The following ARHGEF38 variants were observed in gnomAD, a reference collection of about 807,000 sequenced individuals.
The protein encoded by ARHGEF38 is Rho guanine nucleotide exchange factor 38.
ARHGEF38 carries 79 observed loss-of-function variants against 79.9 expected under a neutral mutation model. The observed-to-expected ratio is 0.99, with a 90% CI of 0.82 to 1.19. The LOEUF is 1.19. ARHGEF38 is among the 50% of genes most tolerant of loss of function. The pLI is 0.00. For missense variants in ARHGEF38, 962 were observed against 907.2 expected, an observed-to-expected ratio of 1.06 and a Z score of -0.78; for synonymous variants, 366 against 328.3, an observed-to-expected ratio of 1.11 and a Z score of -1.24.
In ARHGEF38 at chr4:105,659,066, CAG is replaced by C. The variant is rs1398765847; in HGVS notation, c.1250_1251del (p.Arg417ThrfsTer25). 7.2e-6 allele frequency: 11 copies of C among 1,534,476 alleles called. No individual in the cohort carries two copies. Among genetic ancestry groups the C allele is most frequent in the Non-Finnish European group, 9.6e-6 (11 of 1,146,072 alleles). On this transcript the variant is annotated frameshift_variant, in exon 10 of 14. Coordinates refer to ENST00000420470, the MANE Select transcript of ARHGEF38 (RefSeq NM_001242729.2). LOFTEE classifies it high-confidence loss of function. The stretch of plus-strand genomic sequence containing the variant: ...TTTCTTTTGGCAGGCATCTCACTTA[CAG>C]AGACTCATCCTGACCCCCTTGTCAG... ...NSCHDFASHL[Q>X]RLILTPLSAL...
chr4:105,587,381 T>C (rs1423704746), intron 1 of ARHGEF38, among the ~76,000 whole-genome samples: 1 of 152,232 alleles, frequency 6.6e-6, no homozygotes, highest in African/African-American at 2.4e-5. Context: ...ATTGGAGGGC[T>C]ACAGGATATC....
In ARHGEF38 at chr4:105,648,644, A is replaced by G; in HGVS notation, c.970A>G (p.Thr324Ala). Residue 324 changes from threonine (T) to alanine (A), a missense_variant, in exon 7 of 14, where the codon ACA becomes GCA. By Grantham distance (58) the Thr-to-Ala change is moderately conservative (BLOSUM62 0). Coordinates refer to ENST00000420470, the MANE Select transcript of ARHGEF38 (RefSeq NM_001242729.2). ...AATTAGCAAGAAATCAAAAAGAGTGACAAATCATCTGAAGATTCTGACCAG... is the reference window on the plus strand; with the variant it reads ...AATTAGCAAGAAATCAAAAAGAGTGGCAAATCATCTGAAGATTCTGACCAG... Reference protein sequence around the residue: ...HSISKKSKRVTNHLKILTRGE... With the variant: ...HSISKKSKRVANHLKILTRGE... The G allele has an allele frequency of 1.3e-6, 2 of 1,533,402 alleles. No homozygotes were observed. The highest frequency in any genetic ancestry group is 1.2e-5 in the South Asian group (1 of 83,546). The allele number at this position is 1,533,402 out of a possible 1,614,324, so 95.0% of individuals were successfully genotyped here. A position where few individuals can be genotyped will look rare whatever the true frequency, so the allele number is the denominator to read the frequency against.
At chr4:105,582,325 TAA>T (rs1445774156) in intron 1 of ARHGEF38, among the ~76,000 whole-genome samples, 3 of 151,736 alleles carry the variant, frequency 2.0e-5, no homozygotes, top group Non-Finnish European at 2.9e-5. Flanking sequence ...CTTATTTAGT[TAA>T]GAGTCAAATC....
At position 105,644,701 on chromosome 4, in the gene ARHGEF38, T is replaced by C. The variant is rs1347067217; in HGVS notation, c.675-487T>C. The stretch of plus-strand genomic sequence containing the variant: ...GACTGTGGTAGAACCTACAAAACAT[T>C]GTAAATGCAACTTCTCAATTTGGTG... On this transcript the variant is annotated intron_variant, in intron 5 of 13. Coordinates refer to ENST00000420470, the MANE Select transcript of ARHGEF38 (RefSeq NM_001242729.2). 2.6e-5 allele frequency among the ~76,000 whole-genome samples: 4 copies of C among 152,338 alleles called. No homozygotes were observed. The South Asian group carries it at 6.2e-4, about 24-fold the overall frequency.
chr4:105,621,559 C>G (rs1578320207), intron 3 of ARHGEF38, among the ~76,000 whole-genome samples: 1 of 152,154 alleles, frequency 6.6e-6, no homozygotes, highest in Non-Finnish European at 1.5e-5. Flanking sequence ...CACTGTTGTT[C>G]TATAGCAGTG....
At chr4:105,609,493 G>C (rs952898562) in intron 2 of ARHGEF38, among the ~76,000 whole-genome samples, 9 of 152,034 alleles carry the variant, frequency 5.9e-5, no homozygotes, top group Non-Finnish European at 4.4e-5. Flanking sequence ...GGTGTTAATG[G>C]ATTGGAAGAA....
chr4:105,635,372 C>T (rs1729356230), intron 4 of ARHGEF38, among the ~76,000 whole-genome samples: 1 of 151,764 alleles, frequency 6.6e-6, no homozygotes. Context: ...TTTCATAAAG[C>T]GTTATACTAC....
At chr4:105,650,033 T>C (rs905949080) in intron 7 of ARHGEF38, among the ~76,000 whole-genome samples, 2 of 152,210 alleles carry the variant, frequency 1.3e-5, no homozygotes, top group African/African-American at 4.8e-5. Context: ...GATGCATACA[T>C]CAAGAAAACA....
intron 8 of ARHGEF38, among the ~76,000 whole-genome samples, chr4:105,654,711 A>C (rs1209140443): frequency 6.6e-6 from 1 of 152,184 alleles, no homozygotes; most frequent in Non-Finnish European, 1.5e-5. Context: ...TCAACCAACT[A>C]ATTGGAGTAC....
intron 1 of ARHGEF38, among the ~76,000 whole-genome samples, chr4:105,562,681 G>T (rs1250939213): frequency 1.3e-5 from 2 of 152,146 alleles, no homozygotes; most frequent in Non-Finnish European, 2.9e-5. Flanking sequence ...TAAAATATCA[G>T]AAGCACACCC....
At chr4:105,577,099 A>ATT (rs58789848) in intron 1 of ARHGEF38, among the ~76,000 whole-genome samples, 7 of 150,884 alleles carry the variant, frequency 4.6e-5, no homozygotes, top group Admixed American at 1.3e-4. Context: ...TCTTTCTTTA[A>ATT]TTTTTTTTAT....
At chr4:105,609,812 A>G (rs959484216) in intron 2 of ARHGEF38, among the ~76,000 whole-genome samples, 1 of 152,120 alleles carries the variant, frequency 6.6e-6, no homozygotes, top group African/African-American at 2.4e-5. Context: ...CTGGCCTTTA[A>G]TCTAGAACCA....
In ARHGEF38 at chr4:105,552,641, G is replaced by A; in HGVS notation, c.-125G>A. On this transcript the variant is annotated 5_prime_UTR_variant, in exon 1 of 14. Coordinates refer to ENST00000420470, the MANE Select transcript of ARHGEF38 (RefSeq NM_001242729.2). ...TGGCAGTCACAGCCAGGTAACCCTGGAGTGAAGCGGTTTAGTTAGAAGGGA... is the reference window on the plus strand; with the variant it reads ...TGGCAGTCACAGCCAGGTAACCCTGAAGTGAAGCGGTTTAGTTAGAAGGGA... 2.9e-6 allele frequency: 2 copies of A among 687,028 alleles called. No homozygotes were observed. The highest frequency in any genetic ancestry group is 2.3e-6 in the Non-Finnish European group (1 of 433,800). 42.6% of individuals were successfully genotyped at this position (687,028 alleles called of 1,614,324 possible).
chr4:105,631,116 A>C lies in ARHGEF38; in HGVS notation c.656+71A>C, dbSNP rs1729171983. ...AGCAGGGAACATTTTAAATGGATGTAGATGAAAGGTCTCACATAAATCCTA... is the reference window on the plus strand; with the variant it reads ...AGCAGGGAACATTTTAAATGGATGTCGATGAAAGGTCTCACATAAATCCTA... On this transcript the variant is annotated intron_variant, in intron 4 of 13. Transcript: ENST00000420470. 6 of 1,508,776 alleles carry C rather than the reference A, an allele frequency of 4.0e-6. No individual in the cohort carries two copies. The South Asian group carries it at 4.2e-5, about 11-fold the overall frequency. The allele number at this position is 1,508,776 out of a possible 1,614,324, so 93.5% of individuals were successfully genotyped here.
chr4:105,678,049 C>A lies in ARHGEF38; in HGVS notation c.*112C>A. ...GCAAGAAACCTCTGAACTACAGAAA[C>A]TGATACTGTACTGGGTTTTCAGGAA... On this transcript the variant is annotated 3_prime_UTR_variant, in exon 14 of 14. Coordinates refer to ENST00000420470, the MANE Select transcript of ARHGEF38 (RefSeq NM_001242729.2). The A allele has an allele frequency of 1.1e-6, 1 of 869,632 alleles. No individual in the cohort carries two copies. The allele number at this position is 869,632 out of a possible 1,614,324, so 53.9% of individuals were successfully genotyped here.
Position 105,628,001 on chromosome 4 carries a change from G to A in ARHGEF38, c.509-2897G>A, listed in dbSNP as rs1400193248. Among the ~76,000 whole-genome samples, 7 of 150,136 alleles carry A rather than the reference G, an allele frequency of 4.7e-5. No individual in the cohort carries two copies. The East Asian group carries it at 5.8e-4, about 12-fold the overall frequency. On this transcript the variant is annotated intron_variant, in intron 3 of 13. Transcript: ENST00000420470. ...TTTAACTTTAATAATTATTATTAGA[G>A]CCTCAACAGAATTTTACTTGGAAAA...
At chr4:105,574,693 T>C (rs565079053) in intron 1 of ARHGEF38, among the ~76,000 whole-genome samples, 1 of 152,246 alleles carries the variant, frequency 6.6e-6, no homozygotes, top group South Asian at 2.1e-4. Flanking sequence ...GTTAAGGCGG[T>C]TTCTTTCTAT....
At chr4:105,631,270 G>A (rs1048508551) in intron 4 of ARHGEF38, 3 of 1,188,178 alleles carry the variant, frequency 2.5e-6, no homozygotes, top group Non-Finnish European at 3.1e-6. Flanking sequence ...AAGATTTAGA[G>A]CTCTGCAGCG....
At chr4:105,617,064 T>C (rs1372131214) in intron 3 of ARHGEF38, among the ~76,000 whole-genome samples, 4 of 152,228 alleles carry the variant, frequency 2.6e-5, no homozygotes, top group African/African-American at 4.8e-5. Context: ...ATGATGACAG[T>C]TTTATATCAA....
Sources: gnomAD v4.1 joint callset for allele counts (sites outside exome capture counted in the v4.1 genomes callset) on GRCh38, gnomAD v4.1.1 for gene constraint, MANE v1.5 for transcripts, NCBI Gene and HGNC (gene_info 2026-07-23, HGNC 2026-07-21) for gene names.